The following KCNIP4 variants were observed in gnomAD, a reference collection of about 807,000 sequenced individuals.
KCNIP4 encodes the protein Kv channel-interacting protein 4.
KCNIP4 carries 12 observed loss-of-function variants against 34.0 expected under a neutral mutation model. That is an observed-to-expected ratio of 0.35 (90% CI 0.23 to 0.57). The LOEUF (loss-of-function observed/expected upper bound fraction) is 0.57, where lower values mean the gene tolerates loss of function less well. Ranked by LOEUF, KCNIP4 falls within the 20% of genes least tolerant of loss-of-function variation. KCNIP4 has a pLI of 0.83. For missense variants in KCNIP4, 238 were observed against 311.7 expected, an observed-to-expected ratio of 0.76 and a Z score of 1.78; for synonymous variants, 124 against 102.2, an observed-to-expected ratio of 1.21 and a Z score of -1.29.
chr4:20,813,037 A>G (rs193020732), intron 3 of KCNIP4, among the ~76,000 whole-genome samples: 1 of 152,132 alleles, frequency 6.6e-6, no homozygotes, highest in South Asian at 2.1e-4. Context: ...TGTTAAAAGT[A>G]TATGTAAGTG....
chr4:21,655,568 A>G (rs908979564), intron 1 of KCNIP4, among the ~76,000 whole-genome samples: 6 of 152,200 alleles, frequency 3.9e-5, no homozygotes, highest in African/African-American at 1.4e-4. Flanking sequence ...ACTCTTATTT[A>G]ATCTCCTTTC....
At chr4:21,253,594 T>C (rs1436155287) in intron 1 of KCNIP4, among the ~76,000 whole-genome samples, 8 of 152,324 alleles carry the variant, frequency 5.3e-5, no homozygotes, top group African/African-American at 7.2e-5. Flanking sequence ...TGCTAGATAG[T>C]GTTAAAATTA....
chr4:21,262,474 T>C (rs554921954), intron 1 of KCNIP4, among the ~76,000 whole-genome samples: 1 of 152,198 alleles, frequency 6.6e-6, no homozygotes, highest in Non-Finnish European at 1.5e-5. Context: ...CAATGACTGA[T>C]GGATGAGGAG....
chr4:20,803,722 AGAG>A (rs1560477144), intron 3 of KCNIP4, among the ~76,000 whole-genome samples: 8 of 103,308 alleles, frequency 7.7e-5, no homozygotes, highest in Admixed American at 7.0e-4. Context: ...AGAGAGAGAG[AGAG>A]AGAGGAAGGA....
At chr4:21,228,319 C>T (rs1429093870) in intron 1 of KCNIP4, among the ~76,000 whole-genome samples, 1 of 152,124 alleles carries the variant, frequency 6.6e-6, no homozygotes, top group Admixed American at 6.6e-5. Flanking sequence ...CCTGCTCTGC[C>T]ACGGTAAAAC....
At chr4:20,802,302 A>AAT (rs1491297127) in intron 3 of KCNIP4, among the ~76,000 whole-genome samples, 3 of 122,506 alleles carry the variant, frequency 2.4e-5, no homozygotes, top group African/African-American at 5.7e-5. Context: ...ATATATATGC[A>AAT]ATATATATAT....
At chr4:21,024,313 A>G (rs555021055) in intron 1 of KCNIP4, among the ~76,000 whole-genome samples, 3 of 152,202 alleles carry the variant, frequency 2.0e-5, no homozygotes, top group Non-Finnish European at 4.4e-5. Context: ...TCTTTAGCCA[A>G]TTCTCTAGTT....
intron 1 of KCNIP4, among the ~76,000 whole-genome samples, chr4:21,236,834 C>T (rs1433653660): frequency 7.0e-6 from 1 of 141,946 alleles, no homozygotes; most frequent in Non-Finnish European, 1.5e-5. Context: ...ATGGTGAAAC[C>T]CCACCTCTAC....
rs559676280 is a variant in KCNIP4 at position 21,146,170 on chromosome 4, G to A, written c.62-263461C>T. Reference sequence around the variant, plus strand: ...CCCCATCACTTTGGGAGGCTGAGGCGGGAGGATCACGAGGTCACGAGATCG... The same window carrying A: ...CCCCATCACTTTGGGAGGCTGAGGCAGGAGGATCACGAGGTCACGAGATCG... On this transcript the variant is annotated intron_variant, in intron 1 of 8. Coordinates refer to ENST00000382152, the MANE Select transcript of KCNIP4 (RefSeq NM_025221.6). 4.6e-5 allele frequency among the ~76,000 whole-genome samples: 7 copies of A among 152,216 alleles called. No individual in the cohort carries two copies. In the South Asian group the frequency reaches 8.3e-4, roughly 18 times the overall value.
At chr4:21,765,304 C>T (rs1036378246) in intron 1 of KCNIP4, among the ~76,000 whole-genome samples, 3 of 151,428 alleles carry the variant, frequency 2.0e-5, no homozygotes, top group African/African-American at 7.3e-5. Flanking sequence ...AGAATCTAAT[C>T]CTTTTTGTTT....
chr4:20,774,698 G>A (rs906177633), intron 3 of KCNIP4, among the ~76,000 whole-genome samples: 1 of 152,164 alleles, frequency 6.6e-6, no homozygotes, highest in Non-Finnish European at 1.5e-5. Flanking sequence ...GACATTTAAA[G>A]AGGGACCTGA....
chr4:21,682,743 T>A (rs1053691397), intron 1 of KCNIP4, among the ~76,000 whole-genome samples: 1 of 152,064 alleles, frequency 6.6e-6, no homozygotes, highest in African/African-American at 2.4e-5. Context: ...CTGTTGTATC[T>A]CAGGAAATAG....
In KCNIP4 at chr4:21,278,416, T is replaced by A. The variant is rs1227366626; in HGVS notation, c.62-395707A>T. Reference sequence around the variant, plus strand: ...CCCTCTCTGTGTCCATGAGTTCTCATCACTTAGCATCTATTTATAAGTGAG... The same window carrying A: ...CCCTCTCTGTGTCCATGAGTTCTCAACACTTAGCATCTATTTATAAGTGAG... On this transcript the variant is annotated intron_variant, in intron 1 of 8. Transcript: ENST00000382152. Among the ~76,000 whole-genome samples, 4 of 152,116 alleles carry A rather than the reference T, an allele frequency of 2.6e-5. No individual in the cohort carries two copies. The East Asian group carries it at 7.7e-4, about 29-fold the overall frequency.
intron 1 of KCNIP4, among the ~76,000 whole-genome samples, chr4:21,075,372 G>T (rs918973319): frequency 6.6e-6 from 1 of 152,126 alleles, no homozygotes; most frequent in African/African-American, 2.4e-5. Flanking sequence ...TTGTTGAATT[G>T]ATCCCTTTAC....
chr4:21,700,560 T>G (rs113241714), intron 1 of KCNIP4, among the ~76,000 whole-genome samples: 4,601 of 147,406 alleles, frequency 0.031, 170 homozygotes, highest in African/African-American at 0.096. Context: ...GTTTTTGTTG[T>G]TTTTTTTTGT....
At chr4:21,847,096 T>C (rs1419540747) in intron 1 of KCNIP4, 1 of 152,166 alleles carries the variant, frequency 6.6e-6, no homozygotes, top group East Asian at 1.9e-4. Context: ...CTTGTCTCTG[T>C]TGCAAAATCC....
chr4:21,330,946 C>G (rs548876564), intron 1 of KCNIP4, among the ~76,000 whole-genome samples: 6 of 152,130 alleles, frequency 3.9e-5, no homozygotes, highest in Non-Finnish European at 7.4e-5. Context: ...AAGCTAAAAC[C>G]TGCCCCTTTA....
chr4:21,501,363 A>G (rs758290444), intron 1 of KCNIP4, among the ~76,000 whole-genome samples: 129 of 151,864 alleles, frequency 8.5e-4, no homozygotes, highest in Non-Finnish European at 1.4e-3. Flanking sequence ...AAGTGACAGA[A>G]ATCACATTTG....
intron 1 of KCNIP4, among the ~76,000 whole-genome samples, chr4:21,767,812 T>C (rs1718524987): frequency 6.6e-6 from 1 of 152,066 alleles, no homozygotes; most frequent in African/African-American, 2.4e-5. Context: ...ATCAAATAGT[T>C]GTAAGTGCCA....
Sources: gnomAD v4.1 joint callset for allele counts (sites outside exome capture counted in the v4.1 genomes callset) on GRCh38, gnomAD v4.1.1 for gene constraint, MANE v1.5 for transcripts, NCBI Gene and HGNC (gene_info 2026-07-23, HGNC 2026-07-21) for gene names.